ZNF263: variants seen among roughly 807,000 people sequenced by gnomAD.
The protein encoded by ZNF263 is zinc finger protein 263, also known as zinc finger protein FPM315.
In ZNF263, 49 loss-of-function variants were observed where a neutral mutation model predicts 63.1. That is an observed-to-expected ratio of 0.78 (90% CI 0.62 to 0.99). The LOEUF is 0.99. Ranked by LOEUF, ZNF263 falls within the 50% of genes least tolerant of loss-of-function variation. The pLI, the probability that ZNF263 is intolerant of heterozygous loss-of-function variation, is 0.00. For synonymous variants in ZNF263, 352 were observed against 324.2 expected (o/e 1.09, Z -0.92); for missense variants, 872 against 854.8 (o/e 1.02, Z -0.25).
At chr16:3,285,321 G>C (rs955628369) in intron 2 of ZNF263, 82 bp downstream of exon 2, 25 of 1,417,014 alleles carry the variant, frequency 1.8e-5, no homozygotes, top group Non-Finnish European at 2.4e-5. Context: ...TAGCAATGAT[G>C]CGAAGGAGAA....
chr16:3,284,057 T>G lies in ZNF263; in HGVS notation c.239T>G (p.Ile80Ser). ...LRPEMRTKEQ[I>S]LELLVLEQFL... ...CCTGAGATGCGCACGAAGGAGCAGA[T>G]CTTGGAGCTGCTGGTGTTAGAGCAG... Residue 80 changes from isoleucine to serine, a missense_variant, in exon 1 of 6, where the codon ATC becomes AGC. Coordinates refer to ENST00000219069, the MANE Select transcript of ZNF263 (RefSeq NM_005741.5). The G allele has an allele frequency of 3.1e-6, 5 of 1,613,730 alleles. No individual in the cohort carries two copies. Among genetic ancestry groups the G allele is most frequent in the Non-Finnish European group, 4.2e-6 (5 of 1,179,820 alleles).
At chr16:3,298,379 C>T (rs1454199476) in intron 1 of ZNF263, among the ~76,000 whole-genome samples, 1 of 152,084 alleles carries the variant, frequency 6.6e-6, no homozygotes, top group East Asian at 1.9e-4. Flanking sequence ...AGTAACAAAC[C>T]ATAAAATATG....
rs1008739862 is a variant in ZNF263 at position 3,285,609 on chromosome 16, C to G, written c.569-72C>G. 11 of 1,477,282 alleles carry G rather than the reference C, an allele frequency of 7.4e-6. No homozygotes were observed. In the African/African-American group the frequency reaches 8.3e-5, roughly 11 times the overall value. The allele number at this position is 1,477,282 out of a possible 1,614,324, so 91.5% of individuals were successfully genotyped here. A position where few individuals can be genotyped will look rare whatever the true frequency, so the allele number is the denominator to read the frequency against. The stretch of plus-strand genomic sequence containing the variant: ...GAGGCTGGGTGTTGGGGAATGGATA[C>G]TGTGTTTTAATAATCCTTGGGTTGC... On this transcript the variant is annotated intron_variant, in intron 2 of 5. Transcript: ENST00000219069.
exon 3 of ZNF263, chr16:3,301,401 G>C (rs1193831964): frequency 6.0e-6 from 1 of 167,106 alleles, no homozygotes; most frequent in Non-Finnish European, 1.5e-5. Flanking sequence ...CAAGCACCGT[G>C]CTTTAACTTG....
At chr16:3,297,972 T>C (rs114249059) in intron 1 of ZNF263, among the ~76,000 whole-genome samples, 2,655 of 152,268 alleles carry the variant, frequency 0.017, 80 homozygotes, top group African/African-American at 0.06. Context: ...GATTGGTGCA[T>C]TGGGAGAAGT....
chr16:3,285,987 G>T, intron 3 of ZNF263, 36 bp from the exon 4 acceptor site: 15 of 1,613,788 alleles, frequency 9.3e-6, no homozygotes, highest in Non-Finnish European at 1.3e-5. Context: ...TGTTCTTGGT[G>T]CATCAGGGGC....
chr16:3,292,649 C>G (rs904926974), downstream of ZNF263, among the ~76,000 whole-genome samples: 2 of 152,218 alleles, frequency 1.3e-5, no homozygotes, highest in African/African-American at 4.8e-5. Context: ...CTCTCCCTCC[C>G]TTGGTAACAT....
At chr16:3,293,876 T>C (rs571399482), downstream of ZNF263, among the ~76,000 whole-genome samples, 59 of 152,362 alleles carry the variant, frequency 3.9e-4, no homozygotes, top group African/African-American at 1.4e-3. Context: ...GAAAGAACTT[T>C]TGGGTCTCAG....
Position 3,283,533 on chromosome 16 carries a change from G to A in ZNF263, c.-286G>A, listed in dbSNP as rs1959228128. ...TTCCGGCGTGGGAGCAGAGGTCTGA[G>A]TCTTGCGTGGGTCCTCTATATAGGG... On this transcript the variant is annotated 5_prime_UTR_variant, in exon 1 of 6. Coordinates refer to ENST00000219069, the MANE Select transcript of ZNF263 (RefSeq NM_005741.5). 3.3e-6 allele frequency: 1 copy of A among 298,864 alleles called. No individual in the cohort carries two copies. The highest frequency in any genetic ancestry group is 5.9e-6 in the Non-Finnish European group (1 of 169,478). 18.5% of individuals were successfully genotyped at this position (298,864 alleles called of 1,614,324 possible). A position where few individuals can be genotyped will look rare whatever the true frequency, so the allele number is the denominator to read the frequency against.
At chr16:3,300,707 C>T in intron 2 of ZNF263, 1 of 1,488,134 alleles carries the variant, frequency 6.7e-7, no homozygotes, top group Non-Finnish European at 8.9e-7. Context: ...TTAAACAAAA[C>T]TTAGCTGAAA....
At position 3,290,484 on chromosome 16, in the gene ZNF263, A is replaced by G; in HGVS notation, c.1978A>G (p.Lys660Glu). The change falls in exon 6 of 6, where the codon AAA becomes GAA. Residue 660 changes from lysine (K) to glutamate (E), a missense_variant. Lys to Glu is a moderately conservative substitution (Grantham distance 56). Transcript: ENST00000219069. ...LRTHTGERPYKCSECGESFSR... is the reference protein window; with the variant it reads ...LRTHTGERPYECSECGESFSR... Reference sequence around the variant, plus strand: ...AACGCATACGGGAGAGAGACCCTATAAATGTTCTGAATGTGGAGAAAGCTT... The same window carrying G: ...AACGCATACGGGAGAGAGACCCTATGAATGTTCTGAATGTGGAGAAAGCTT... 6.2e-7 allele frequency: 1 copy of G among 1,613,978 alleles called. No homozygotes were observed. The highest frequency in any genetic ancestry group is 8.5e-7 in the Non-Finnish European group (1 of 1,179,962).
chr16:3,286,220 C>T, intron 4 of ZNF263, 71 bp downstream of exon 4: 1 of 1,507,252 alleles, frequency 6.6e-7, no homozygotes, highest in South Asian at 1.4e-5. Flanking sequence ...ATTCATTCAC[C>T]TCCTGGACAC....
chr16:3,293,960 C>T (rs1032122030), downstream of ZNF263, among the ~76,000 whole-genome samples: 6 of 152,266 alleles, frequency 3.9e-5, no homozygotes, highest in African/African-American at 1.4e-4. Context: ...GAGTCTCGCT[C>T]TGTCACCCAG....
Position 3,290,585 on chromosome 16 carries a change from G to C in ZNF263, c.*27G>C, listed in dbSNP as rs767204875. ...AACAGTGGGGTTTCTCTTTGCCCCA[G>C]GTGAGGTGGCATATTCAGAGGAGCC... On this transcript the variant is annotated 3_prime_UTR_variant, in exon 6 of 6. Transcript: ENST00000219069. 9 of 1,573,390 alleles carry C rather than the reference G, an allele frequency of 5.7e-6. No individual in the cohort carries two copies. Among genetic ancestry groups the C allele is most frequent in the Non-Finnish European group, 7.7e-6 (9 of 1,161,748 alleles).
intron 4 of ZNF263, 139 bp from the exon 5 acceptor site, chr16:3,288,315 T>G: frequency 1.5e-6 from 1 of 682,748 alleles, no homozygotes; most frequent in South Asian, 1.5e-5. Context: ...TGGGAACAGT[T>G]TGTGTATATT....
At chr16:3,299,950 T>C in intron 2 of ZNF263, 1 of 1,613,410 alleles carries the variant, frequency 6.2e-7, no homozygotes, top group Non-Finnish European at 8.5e-7. Context: ...CTTTAATTTA[T>C]GAGTTCCGTC....
chr16:3,285,082 A>G lies in ZNF263; in HGVS notation c.411A>G (p.Thr137=), dbSNP rs1427700943. Residue 137 remains threonine (T), a synonymous_variant, in exon 2 of 6, where the codon ACA becomes ACG. Transcript: ENST00000219069. The part of the protein sequence containing the change: ...RQQVTNHGRG[T]EVLLEEPLPL... Reference sequence around the variant, plus strand: ...AGGTCACAAACCATGGGCGGGGAACAGAAGTGCTTTTGGAGGAGCCTTTGC... The same window carrying G: ...AGGTCACAAACCATGGGCGGGGAACGGAAGTGCTTTTGGAGGAGCCTTTGC... 3 of 1,614,220 alleles carry G rather than the reference A, an allele frequency of 1.9e-6. No individual in the cohort carries two copies. Among genetic ancestry groups the G allele is most frequent in the Non-Finnish European group, 1.7e-6 (2 of 1,180,048 alleles).
chr16:3,299,276 TTTC>T, intron 2 of ZNF263: 1 of 1,611,304 alleles, frequency 6.2e-7, no homozygotes. Context: ...AGACAACCCT[TTTC>T]TTCATCTCCA....
intron 4 of ZNF263, chr16:3,286,391 T>G: frequency 2.9e-5 from 11 of 384,100 alleles, no homozygotes; most frequent in East Asian, 5.5e-5. Context: ...CCATGTGCAC[T>G]TCCTAGGGCA....
Sources: allele counts gnomAD v4.1 joint callset (sites outside exome capture counted in the v4.1 genomes callset), GRCh38; gene constraint gnomAD v4.1.1; transcripts MANE v1.5; gene names NCBI Gene and HGNC (gene_info 2026-07-23, HGNC 2026-07-21).